The following NFIB variants were observed in gnomAD, a reference collection of about 807,000 sequenced individuals.
NFIB encodes the protein nuclear factor 1 B-type.
In NFIB, 11 loss-of-function variants were observed where a neutral mutation model predicts 61.5. The observed-to-expected ratio is 0.18, with a 90% CI of 0.11 to 0.30. NFIB has a LOEUF of 0.30. Ranked by LOEUF, NFIB falls within the 10% of genes least tolerant of loss-of-function variation. NFIB has a pLI of 1.00. For synonymous variants in NFIB, 260 were observed against 216.5 expected (o/e 1.20, Z -1.76); for missense variants, 471 against 608.9 (o/e 0.77, Z 2.38).
chr9:14,494,758 C>A, the NFIB span, among the ~76,000 whole-genome samples: 40 of 152,302 alleles, frequency 2.6e-4, no homozygotes, highest in East Asian at 7.3e-3. Flanking sequence ...GCAGAACAGG[C>A]ACTCCCCTTG....
chr9:14,336,638 C>G (rs2060889016), intron 1 of NFIB, among the ~76,000 whole-genome samples: 1 of 152,206 alleles, frequency 6.6e-6, no homozygotes, highest in African/African-American at 2.4e-5. Flanking sequence ...ATATTTTAAG[C>G]AGGACCAGCT....
At chr9:14,512,693 A>G in the NFIB span, among the ~76,000 whole-genome samples, 15 of 151,402 alleles carry the variant, frequency 9.9e-5, no homozygotes, top group East Asian at 3.9e-4. Flanking sequence ...CTTATTTATA[A>G]AGTAAATTTT....
intron 2 of NFIB, among the ~76,000 whole-genome samples, chr9:14,301,502 G>A (rs1757396354): frequency 6.6e-6 from 1 of 152,156 alleles, no homozygotes; most frequent in Admixed American, 6.5e-5. Flanking sequence ...CCTCCAGAAA[G>A]TGGGGCACTA....
At chr9:14,486,545 T>C in the NFIB span, among the ~76,000 whole-genome samples, 1 of 152,210 alleles carries the variant, frequency 6.6e-6, no homozygotes, top group Non-Finnish European at 1.5e-5. Flanking sequence ...TCAGTTTTAA[T>C]GACTGGTAGG....
At chr9:14,168,752 G>A (rs1396328817) in intron 3 of NFIB, among the ~76,000 whole-genome samples, 1 of 152,196 alleles carries the variant, frequency 6.6e-6, no homozygotes, top group South Asian at 2.1e-4. Context: ...GAGGCAAAGT[G>A]TAAAGGTTTT....
the NFIB span, among the ~76,000 whole-genome samples, chr9:14,482,496 G>C: frequency 6.6e-6 from 1 of 152,144 alleles, no homozygotes; most frequent in East Asian, 1.9e-4. Flanking sequence ...GGAGTGAACA[G>C]TTTAGACATT....
At chr9:14,128,061 A>T (rs967751365) in intron 6 of NFIB, among the ~76,000 whole-genome samples, 1 of 152,116 alleles carries the variant, frequency 6.6e-6, no homozygotes, top group African/African-American at 2.4e-5. Flanking sequence ...TATCTTCAAG[A>T]TGCCAAAAAT....
the NFIB span, among the ~76,000 whole-genome samples, chr9:14,454,354 T>C: frequency 2.6e-5 from 4 of 152,242 alleles, no homozygotes; most frequent in Admixed American, 6.5e-5. Context: ...AATAGAAGTG[T>C]GCTAATTCTG....
chr9:14,480,840 T>G, the NFIB span, among the ~76,000 whole-genome samples: 7 of 152,270 alleles, frequency 4.6e-5, no homozygotes, highest in African/African-American at 1.7e-4. Context: ...AACCATATCC[T>G]CTTCCTGTAG....
chr9:14,454,239 A>T, the NFIB span, among the ~76,000 whole-genome samples: 2 of 152,226 alleles, frequency 1.3e-5, no homozygotes, highest in Non-Finnish European at 2.9e-5. Flanking sequence ...GTAATTGAAA[A>T]GTTAGACCTG....
chr9:14,265,285 T>C (rs977545358), intron 2 of NFIB, among the ~76,000 whole-genome samples: 1 of 152,144 alleles, frequency 6.6e-6, no homozygotes, highest in African/African-American at 2.4e-5. Context: ...CCCCCAAAAT[T>C]CACATGTTGA....
In NFIB at chr9:14,082,454, G is replaced by A; in HGVS notation, c.*5855C>T. Reference sequence around the variant, plus strand: ...ATGCTAAAAGTTCTATATGATATAAGCACAAATTAACAGCTTGATGAAGAC... The same window carrying A: ...ATGCTAAAAGTTCTATATGATATAAACACAAATTAACAGCTTGATGAAGAC... On this transcript the variant is annotated 3_prime_UTR_variant, in exon 11 of 11. Coordinates refer to ENST00000380953, the MANE Select transcript of NFIB (RefSeq NM_001190737.2). 1 of 204,346 alleles carries A rather than the reference G, an allele frequency of 4.9e-6. No individual in the cohort carries two copies. The highest frequency in any genetic ancestry group is 1.0e-5 in the Non-Finnish European group (1 of 99,490). The allele number at this position is 204,346 out of a possible 1,614,324, so 12.7% of individuals were successfully genotyped here.
chr9:14,234,430 C>T (rs1272118293), intron 2 of NFIB, among the ~76,000 whole-genome samples: 1 of 150,742 alleles, frequency 6.6e-6, no homozygotes, highest in Non-Finnish European at 1.5e-5. Context: ...AGTGCAGTGG[C>T]GGGATCTCGG....
intron 3 of NFIB, among the ~76,000 whole-genome samples, chr9:14,169,063 T>C (rs2131341771): frequency 6.6e-6 from 1 of 152,330 alleles, no homozygotes; most frequent in East Asian, 1.9e-4. Flanking sequence ...CTGCTCTGCT[T>C]AGAAAGTACT....
intron 1 of NFIB, among the ~76,000 whole-genome samples, chr9:14,319,148 T>C (rs2060606843): frequency 6.6e-6 from 1 of 152,012 alleles, no homozygotes; most frequent in African/African-American, 2.4e-5. Context: ...AAAATGACGC[T>C]GTTAATAATG....
intron 10 of NFIB, among the ~76,000 whole-genome samples, chr9:14,089,296 A>C (rs906724701): frequency 6.6e-6 from 1 of 151,636 alleles, no homozygotes. Flanking sequence ...TGTTGGAGGC[A>C]GTAAATGATA....
intron 2 of NFIB, among the ~76,000 whole-genome samples, chr9:14,294,351 T>C (rs10810127): frequency 0.48 from 72,429 of 152,076 alleles, 20,327 homozygotes; most frequent in South Asian, 0.64. Flanking sequence ...GAAAGGCAAC[T>C]AGAATTTAAC....
At chr9:14,342,599 A>G (rs2060965251) in intron 1 of NFIB, among the ~76,000 whole-genome samples, 1 of 152,198 alleles carries the variant, frequency 6.6e-6, no homozygotes, top group Admixed American at 6.5e-5. Context: ...TTTTTCATAT[A>G]TGCAATGCCA....
At chr9:14,215,567 G>C (rs1456030037) in intron 2 of NFIB, among the ~76,000 whole-genome samples, 1 of 152,020 alleles carries the variant, frequency 6.6e-6, no homozygotes, top group East Asian at 1.9e-4. Context: ...TCATCAAAAA[G>C]TCATTTAAAA....
Sources: gnomAD v4.1 joint callset for allele counts (sites outside exome capture counted in the v4.1 genomes callset) on GRCh38, gnomAD v4.1.1 for gene constraint, MANE v1.5 for transcripts, NCBI Gene and HGNC (gene_info 2026-07-23, HGNC 2026-07-21) for gene names.